Variants in A1CF observed in about 807,000 individuals in gnomAD.
The protein encoded by A1CF is APOBEC-1 stimulating protein.
A1CF carries 48 observed loss-of-function variants against 68.9 expected under a neutral mutation model. The ratio of observed to expected loss-of-function variants is 0.70; its 90% CI spans 0.55 to 0.89. A1CF has a LOEUF of 0.89. A1CF is among the 40% of genes least tolerant of loss of function. A1CF has a pLI of 0.00. For synonymous variants in A1CF, 272 were observed against 260.4 expected, an observed-to-expected ratio of 1.04 and a Z score of -0.43; for missense variants, 653 against 718.9, an observed-to-expected ratio of 0.91 and a Z score of 1.05.
At chr10:50,824,259 CAT>C (rs1184241152) in intron 7 of A1CF, 4 of 152,052 alleles carry the variant, frequency 2.6e-5, no homozygotes, top group Admixed American at 6.6e-5. Context: ...TCCGGGCACA[CAT>C]GTCTCTTTAA....
At chr10:50,853,207 G>T (rs895687995) in intron 3 of A1CF, among the ~76,000 whole-genome samples, 9 of 152,142 alleles carry the variant, frequency 5.9e-5, no homozygotes, top group African/African-American at 2.2e-4. Flanking sequence ...CGACTTATCT[G>T]CTGTAATCTC....
At chr10:50,864,556 T>C (rs2132548344) in intron 1 of A1CF, among the ~76,000 whole-genome samples, 1 of 152,278 alleles carries the variant, frequency 6.6e-6, no homozygotes, top group East Asian at 1.9e-4. Context: ...TTATTAGCAA[T>C]GGAACACTTG....
intron 3 of A1CF, among the ~76,000 whole-genome samples, chr10:50,850,412 C>T (rs1277800174): frequency 6.6e-6 from 1 of 152,064 alleles, no homozygotes; most frequent in East Asian, 1.9e-4. Flanking sequence ...AGCAAATAGG[C>T]TTTTTTAAAT....
chr10:50,838,527 A>G (rs984763746), intron 5 of A1CF, among the ~76,000 whole-genome samples: 2 of 152,180 alleles, frequency 1.3e-5, no homozygotes, highest in Admixed American at 6.6e-5. Context: ...TTATTTTTAA[A>G]TGGTTGTGGT....
intron 9 of A1CF, among the ~76,000 whole-genome samples, chr10:50,814,651 C>T (rs1176156037): frequency 1.3e-5 from 2 of 152,096 alleles, no homozygotes; most frequent in Non-Finnish European, 1.5e-5. Flanking sequence ...TTTGTTTTGC[C>T]ATGTTACTAC....
Position 50,828,827 on chromosome 10 carries a change from C to T in A1CF, c.605-532G>A, listed in dbSNP as rs369489255. ...GGGACTCAGGCATCCTTAATTTGTT[C>T]TCTGTCCCTCACACTTGGTCAAGGC... On this transcript the variant is annotated intron_variant, in intron 6 of 12. Transcript: ENST00000373997. 3.4e-4 allele frequency among the ~76,000 whole-genome samples: 52 copies of T among 152,248 alleles called. 2 individuals carry two copies. In the South Asian group the frequency reaches 9.7e-3, roughly 29 times the overall value.
intron 4 of A1CF, among the ~76,000 whole-genome samples, chr10:50,842,542 T>C (rs957313460): frequency 2.6e-5 from 4 of 152,104 alleles, no homozygotes; most frequent in Non-Finnish European, 5.9e-5. Flanking sequence ...GCCCAGGCAA[T>C]AGAGGCTGTA....
At chr10:50,880,706 T>A (rs935687651) in intron 1 of A1CF, among the ~76,000 whole-genome samples, 1 of 152,182 alleles carries the variant, frequency 6.6e-6, no homozygotes, top group African/African-American at 2.4e-5. Flanking sequence ...GATGGAAAGA[T>A]AAGCACTAAG....
At chr10:50,859,104 T>G (rs546627979) in intron 3 of A1CF, among the ~76,000 whole-genome samples, 1 of 152,250 alleles carries the variant, frequency 6.6e-6, no homozygotes, top group South Asian at 2.1e-4. Context: ...AGTATGTGAG[T>G]GAAAGAAAAT....
intron 6 of A1CF, among the ~76,000 whole-genome samples, chr10:50,829,117 T>C (rs1839113075): frequency 6.6e-6 from 1 of 152,190 alleles, no homozygotes; most frequent in Admixed American, 6.6e-5. Context: ...ACAGTAACCC[T>C]GTGGGGAGGT....
chr10:50,814,941 A>C (rs553017430), intron 9 of A1CF, among the ~76,000 whole-genome samples: 48 of 152,340 alleles, frequency 3.2e-4, no homozygotes, highest in Admixed American at 7.2e-4. Flanking sequence ...TTTCATTTGC[A>C]TTACAATTTT....
At chr10:50,827,257 T>C (rs2132388466) in intron 7 of A1CF, among the ~76,000 whole-genome samples, 1 of 152,298 alleles carries the variant, frequency 6.6e-6, no homozygotes, top group African/African-American at 2.4e-5. Context: ...ATTCAGGAAT[T>C]GAACTCAGCT....
intron 8 of A1CF, among the ~76,000 whole-genome samples, chr10:50,819,132 T>G (rs908186121): frequency 1.3e-5 from 2 of 152,184 alleles, no homozygotes; most frequent in African/African-American, 4.8e-5. Context: ...TTCTCTTTTC[T>G]TTCTTTCCTT....
chr10:50,858,530 A>G (rs1007686677), intron 3 of A1CF, among the ~76,000 whole-genome samples: 5 of 152,092 alleles, frequency 3.3e-5, no homozygotes, highest in African/African-American at 1.2e-4. Context: ...ATCTTATATT[A>G]TGGGTCATTA....
intron 4 of A1CF, among the ~76,000 whole-genome samples, chr10:50,842,773 A>G (rs905886829): frequency 6.6e-6 from 1 of 152,222 alleles, no homozygotes; most frequent in African/African-American, 2.4e-5. Flanking sequence ...CTTTTTCCTC[A>G]GCCATGACAT....
chr10:50,835,927 A>G, intron 6 of A1CF, 147 bp downstream of exon 6: 3 of 730,138 alleles, frequency 4.1e-6, no homozygotes, highest in Non-Finnish European at 4.3e-6. Flanking sequence ...AGGGAATGGA[A>G]TCAACTGTGA....
chr10:50,872,057 G>C (rs908913999), intron 1 of A1CF, among the ~76,000 whole-genome samples: 1 of 151,890 alleles, frequency 6.6e-6, no homozygotes, highest in African/African-American at 2.4e-5. Context: ...TTAAATAATA[G>C]ACACATATCA....
intron 3 of A1CF, among the ~76,000 whole-genome samples, chr10:50,845,955 A>C (rs1350997479): frequency 6.9e-6 from 1 of 145,850 alleles, no homozygotes; most frequent in Non-Finnish European, 1.5e-5. Context: ...CTCTGTCTCA[A>C]AAAAAAAAAA....
chr10:50,835,490 C>T (rs553080265), intron 6 of A1CF, among the ~76,000 whole-genome samples: 4 of 152,066 alleles, frequency 2.6e-5, no homozygotes, highest in South Asian at 2.1e-4. Flanking sequence ...TTGATCTGAC[C>T]GAGGCAGTGT....
Sources: gnomAD v4.1 joint callset for allele counts (sites outside exome capture counted in the v4.1 genomes callset) on GRCh38, gnomAD v4.1.1 for gene constraint, MANE v1.5 for transcripts, NCBI Gene and HGNC (gene_info 2026-07-23, HGNC 2026-07-21) for gene names.